HS6ST3: variants seen among roughly 807,000 people sequenced by gnomAD.
HS6ST3 encodes heparan-sulfate 6-O-sulfotransferase 3.
HS6ST3 carries 12 observed loss-of-function variants against 36.7 expected under a neutral mutation model. The observed-to-expected ratio is 0.33, with a 90% CI of 0.21 to 0.53. HS6ST3 has a LOEUF of 0.53. Among genes scored for constraint, HS6ST3 ranks in the 20% least tolerant of loss-of-function variants. The pLI is 0.95. For synonymous variants in HS6ST3, 240 were observed against 257.5 expected (o/e 0.93, Z 0.65); for missense variants, 584 against 640.9 (o/e 0.91, Z 0.96).
At chr13:96,427,045 G>A (rs1005218842) in intron 1 of HS6ST3, among the ~76,000 whole-genome samples, 2 of 152,172 alleles carry the variant, frequency 1.3e-5, no homozygotes, top group Admixed American at 6.5e-5. Context: ...TTGAGCCTCA[G>A]GAATTTTTAA....
At chr13:96,310,787 G>A (rs1196821915) in intron 1 of HS6ST3, among the ~76,000 whole-genome samples, 1 of 151,914 alleles carries the variant, frequency 6.6e-6, no homozygotes, top group Non-Finnish European at 1.5e-5. Flanking sequence ...CATTTTTTTG[G>A]GTTCTTCTCT....
At chr13:96,160,254 A>G (rs940415583) in intron 1 of HS6ST3, among the ~76,000 whole-genome samples, 1 of 152,222 alleles carries the variant, frequency 6.6e-6, no homozygotes, top group Non-Finnish European at 1.5e-5. Context: ...ATAGCTTTCT[A>G]AAGTCTTTCT....
chr13:96,189,288 T>C (rs1265214581), intron 1 of HS6ST3, among the ~76,000 whole-genome samples: 2 of 152,080 alleles, frequency 1.3e-5, no homozygotes, highest in African/African-American at 4.8e-5. Context: ...GAATACAGGA[T>C]GGGGAAATAA....
chr13:96,185,616 A>G (rs1015721579), intron 1 of HS6ST3, among the ~76,000 whole-genome samples: 1 of 152,224 alleles, frequency 6.6e-6, no homozygotes, highest in African/African-American at 2.4e-5. Context: ...GTTTATACCT[A>G]TATAAGTTTA....
At chr13:96,499,859 C>T (rs1414939721) in intron 1 of HS6ST3, among the ~76,000 whole-genome samples, 2 of 151,998 alleles carry the variant, frequency 1.3e-5, no homozygotes, top group Non-Finnish European at 2.9e-5. Context: ...ACTGGGGAGC[C>T]GTTGGTCTGC....
At chr13:96,743,130 A>G (rs1007240312) in intron 1 of HS6ST3, among the ~76,000 whole-genome samples, 10 of 152,124 alleles carry the variant, frequency 6.6e-5, no homozygotes, top group African/African-American at 2.4e-4. Flanking sequence ...ATCATGCTCC[A>G]TCTCCAACCT....
chr13:96,400,834 C>G (rs558332688), intron 1 of HS6ST3, among the ~76,000 whole-genome samples: 17 of 152,254 alleles, frequency 1.1e-4, no homozygotes, highest in African/African-American at 3.4e-4. Context: ...CAGTTATACT[C>G]CATCAAGATT....
Position 96,633,957 on chromosome 13 carries a change from T to C in HS6ST3, c.708-198533T>C, listed in dbSNP as rs186087375. ...ATTTGGAGGTGGGGCCTTTGGGAAGTGATTAGGTCATGAGGATGAAGTTCT... is the reference window on the plus strand; with the variant it reads ...ATTTGGAGGTGGGGCCTTTGGGAAGCGATTAGGTCATGAGGATGAAGTTCT... On this transcript the variant is annotated intron_variant, in intron 1 of 1. Coordinates refer to ENST00000376705, the MANE Select transcript of HS6ST3 (RefSeq NM_153456.4). Among the ~76,000 whole-genome samples the C allele has an allele frequency of 7.8e-3, 1,178 of 151,970 alleles. 6 individuals carry two copies. The highest frequency in any genetic ancestry group is 0.014 in the Middle Eastern group (4 of 294).
At chr13:96,696,930 C>T (rs1875144533) in intron 1 of HS6ST3, among the ~76,000 whole-genome samples, 1 of 152,052 alleles carries the variant, frequency 6.6e-6, no homozygotes, top group South Asian at 2.1e-4. Context: ...TCTGTTTTCT[C>T]ATTCTTAAAT....
At chr13:96,516,807 C>T (rs541926445) in intron 1 of HS6ST3, among the ~76,000 whole-genome samples, 44 of 152,210 alleles carry the variant, frequency 2.9e-4, no homozygotes, top group South Asian at 6.2e-4. Flanking sequence ...GTATAACAAA[C>T]GACCCCAAAG....
At chr13:96,257,047 A>G (rs1282421175) in intron 1 of HS6ST3, among the ~76,000 whole-genome samples, 1 of 152,128 alleles carries the variant, frequency 6.6e-6, no homozygotes, top group East Asian at 1.9e-4. Context: ...TAATATCATA[A>G]CTGCATTCTA....
At chr13:96,118,049 T>C (rs1379010030) in intron 1 of HS6ST3, among the ~76,000 whole-genome samples, 1 of 151,984 alleles carries the variant, frequency 6.6e-6, no homozygotes, top group African/African-American at 2.4e-5. Flanking sequence ...TTTGTATTTT[T>C]TAAGTAGAGA....
intron 1 of HS6ST3, among the ~76,000 whole-genome samples, chr13:96,232,479 G>A (rs1257782931): frequency 6.6e-6 from 1 of 152,192 alleles, no homozygotes; most frequent in Non-Finnish European, 1.5e-5. Flanking sequence ...TTGGGTGTGA[G>A]AGAATGTGCA....
Position 96,684,925 on chromosome 13 carries a change from A to G in HS6ST3, c.708-147565A>G, listed in dbSNP as rs72643890. 1.0e-2 allele frequency among the ~76,000 whole-genome samples: 1,517 copies of G among 152,234 alleles called. 15 individuals carry two copies. Among genetic ancestry groups the G allele is most frequent in the African/African-American group, 0.022 (914 of 41,564 alleles). ...TGTGTATATAATACATATATAATGC[A>G]TAGATTGCATATATGTGTATATGTG... On this transcript the variant is annotated intron_variant, in intron 1 of 1. Transcript: ENST00000376705.
At chr13:96,456,947 TTCTG>T (rs1368372304) in intron 1 of HS6ST3, among the ~76,000 whole-genome samples, 2 of 152,154 alleles carry the variant, frequency 1.3e-5, no homozygotes, top group Non-Finnish European at 2.9e-5. Flanking sequence ...AAATTAATCT[TTCTG>T]AACTTTTACT....
chr13:96,147,844 A>G (rs550905745), intron 1 of HS6ST3, among the ~76,000 whole-genome samples: 40 of 152,380 alleles, frequency 2.6e-4, no homozygotes, highest in Non-Finnish European at 4.0e-4. Context: ...TAACATATAC[A>G]ATCATAAAAA....
At chr13:96,732,113 G>A (rs1485547602) in intron 1 of HS6ST3, among the ~76,000 whole-genome samples, 4 of 152,120 alleles carry the variant, frequency 2.6e-5, no homozygotes, top group African/African-American at 4.8e-5. Context: ...ACTGGAGTGC[G>A]ATATCTCCTT....
rs546539533 is a variant in HS6ST3 at position 96,264,769 on chromosome 13, C to G, written c.707+173200C>G. ...AATCCAGTGTCACCATGGGTTATTT[C>G]TAAATGGCAAAGGTATAAGGCTTGG... On this transcript the variant is annotated intron_variant, in intron 1 of 1. Transcript: ENST00000376705. Among the ~76,000 whole-genome samples, 12 of 152,258 alleles carry G rather than the reference C, an allele frequency of 7.9e-5. No homozygotes were observed. In the South Asian group the frequency reaches 2.5e-3, roughly 32 times the overall value.
chr13:96,637,355 G>A (rs1352727521), intron 1 of HS6ST3, among the ~76,000 whole-genome samples: 45 of 152,128 alleles, frequency 3.0e-4, no homozygotes, highest in Admixed American at 2.9e-3. Flanking sequence ...AAGATTTCAT[G>A]CTATCAGGAT....
Sources: gnomAD v4.1 joint callset for allele counts (sites outside exome capture counted in the v4.1 genomes callset) on GRCh38, gnomAD v4.1.1 for gene constraint, MANE v1.5 for transcripts, NCBI Gene and HGNC (gene_info 2026-07-23, HGNC 2026-07-21) for gene names.